BRMS1L: variants seen among roughly 807,000 people sequenced by gnomAD.
The protein encoded by BRMS1L is BRMS1 like transcriptional repressor, also known as breast cancer metastasis-suppressor 1-like protein.
Under a neutral mutation model 50.3 loss-of-function variants are expected in BRMS1L, and 23 were observed. The observed-to-expected ratio is 0.46, with a 90% CI of 0.33 to 0.65. The LOEUF (loss-of-function observed/expected upper bound fraction) is 0.65. BRMS1L is among the 30% of genes least tolerant of loss of function. BRMS1L has a pLI of 0.02. For synonymous variants in BRMS1L, 114 were observed against 126.9 expected (o/e 0.90, Z 0.69); for missense variants, 286 against 386.1 (o/e 0.74, Z 2.17).
At chr14:35,833,165 G>C in intron 3 of BRMS1L, 60 bp downstream of exon 3, 1 of 1,505,666 alleles carries the variant, frequency 6.6e-7, no homozygotes, top group Non-Finnish European at 9.0e-7. Context: ...AGCTTTAAAA[G>C]GTGTTTATCA....
chr14:35,858,216 G>C (rs530198608), intron 4 of BRMS1L, among the ~76,000 whole-genome samples: 1 of 152,042 alleles, frequency 6.6e-6, no homozygotes, highest in Admixed American at 6.6e-5. Flanking sequence ...TTTTCTCTGC[G>C]ATCAAACTTA....
Position 35,828,091 on chromosome 14 carries a change from G to A in BRMS1L, c.142+1433G>A, listed in dbSNP as rs563948762. Among the ~76,000 whole-genome samples, 6 of 152,250 alleles carry A rather than the reference G, an allele frequency of 3.9e-5. No homozygotes were observed. In the South Asian group the frequency reaches 1.0e-3, roughly 26 times the overall value. On this transcript the variant is annotated intron_variant, in intron 1 of 9. Transcript: ENST00000216807. The stretch of plus-strand genomic sequence containing the variant: ...GAAAAACCAAGATACAAGGAGAGTG[G>A]CGGTAGCATCAACAGAAATAGAAAA...
intron 4 of BRMS1L, among the ~76,000 whole-genome samples, chr14:35,861,042 T>G (rs2142060611): frequency 6.6e-6 from 1 of 152,314 alleles, no homozygotes; most frequent in African/African-American, 2.4e-5. Flanking sequence ...GGGCTTCATT[T>G]TCCATTCAGG....
Position 35,871,806 on chromosome 14 carries a change from T to C in BRMS1L, c.*1329T>C, listed in dbSNP as rs924643643. The C allele has an allele frequency of 4.6e-5, 7 of 152,800 alleles. No individual in the cohort carries two copies. The East Asian group carries it at 7.7e-4, about 17-fold the overall frequency. The allele number at this position is 152,800 out of a possible 1,614,324, so 9.5% of individuals were successfully genotyped here. ...GAAATTCAGTGTCAGCAAAGTGATA[T>C]TACGTTGTTCTGTTTCTAATTAACC... On this transcript the variant is annotated 3_prime_UTR_variant, in exon 10 of 10. Transcript: ENST00000216807.
chr14:35,869,756 G>A (rs1419245915), intron 9 of BRMS1L, among the ~76,000 whole-genome samples: 4 of 152,034 alleles, frequency 2.6e-5, no homozygotes, highest in Non-Finnish European at 4.4e-5. Flanking sequence ...TGAGGCAGGA[G>A]AATCACTTGA....
Position 35,870,492 on chromosome 14 carries a change from TTA to T in BRMS1L, c.*17_*18del, listed in dbSNP as rs763478871. ...AACATTCATAATCATGATTTAAGTG[TTA>T]TCTAAATTTACCTTATTAGTGTTAC... On this transcript the variant is annotated 3_prime_UTR_variant, in exon 10 of 10. Transcript: ENST00000216807. 1 of 1,490,796 alleles carries T rather than the reference TTA, an allele frequency of 6.7e-7. No individual in the cohort carries two copies. Among genetic ancestry groups the T allele is most frequent in the South Asian group, 1.2e-5 (1 of 84,846 alleles). 92.3% of individuals were successfully genotyped at this position (1,490,796 alleles called of 1,614,324 possible).
chr14:35,840,149 C>T (rs1019562659), intron 4 of BRMS1L, among the ~76,000 whole-genome samples: 3 of 151,986 alleles, frequency 2.0e-5, no homozygotes, highest in Admixed American at 1.3e-4. Flanking sequence ...TGTCATTGGT[C>T]CTGTTTATGT....
In BRMS1L at chr14:35,826,454, TTCATTG is replaced by T. The variant is rs1567296065; in HGVS notation, c.-62_-57del. On this transcript the variant is annotated 5_prime_UTR_variant, in exon 1 of 10. Transcript: ENST00000216807. ...GTGGGTTGGGGCGTTCCGCGCGCCC[TTCATTG>T]AAGCGGCGGTGGCCGGGCTGGGCGC... 6.5e-7 allele frequency: 1 copy of T among 1,548,390 alleles called. No individual in the cohort carries two copies.
At chr14:35,830,878 G>A (rs1470841810) in intron 1 of BRMS1L, among the ~76,000 whole-genome samples, 1 of 151,686 alleles carries the variant, frequency 6.6e-6, no homozygotes, top group Non-Finnish European at 1.5e-5. Flanking sequence ...ATAAAAGTAA[G>A]AGGGTCTAGA....
intron 5 of BRMS1L, among the ~76,000 whole-genome samples, chr14:35,863,430 A>G (rs2078378711): frequency 1.3e-5 from 2 of 152,152 alleles, no homozygotes; most frequent in African/African-American, 4.8e-5. Flanking sequence ...TAGGGTAGGC[A>G]TGGTGGAGTC....
chr14:35,847,236 C>T (rs949783518), intron 4 of BRMS1L, among the ~76,000 whole-genome samples: 2 of 152,120 alleles, frequency 1.3e-5, no homozygotes, highest in Admixed American at 6.5e-5. Flanking sequence ...CCTTGGCCTC[C>T]CAAAGTCCTC....
chr14:35,853,341 G>C (rs2078237888), intron 4 of BRMS1L, among the ~76,000 whole-genome samples: 1 of 151,102 alleles, frequency 6.6e-6, no homozygotes, highest in African/African-American at 2.4e-5. Context: ...TATTTTAACT[G>C]GTAAATTTAG....
intron 4 of BRMS1L, among the ~76,000 whole-genome samples, chr14:35,853,834 A>T (rs1170781310): frequency 6.6e-6 from 1 of 152,200 alleles, no homozygotes; most frequent in Non-Finnish European, 1.5e-5. Context: ...ATCAAGTTTT[A>T]AAAATAATGT....
intron 8 of BRMS1L, 47 bp from the exon 9 acceptor site, chr14:35,867,859 C>G: frequency 6.6e-7 from 1 of 1,512,154 alleles, no homozygotes; most frequent in Non-Finnish European, 8.8e-7. Context: ...CTTTGTTCTT[C>G]TGACAGTGTT....
At chr14:35,856,766 C>T (rs1039128448) in intron 4 of BRMS1L, among the ~76,000 whole-genome samples, 1 of 151,962 alleles carries the variant, frequency 6.6e-6, no homozygotes, top group African/African-American at 2.4e-5. Flanking sequence ...AGGCATCTGC[C>T]ACCACACTGG....
At chr14:35,840,642 C>G (rs1453993735) in intron 4 of BRMS1L, among the ~76,000 whole-genome samples, 1 of 152,096 alleles carries the variant, frequency 6.6e-6, no homozygotes, top group African/African-American at 2.4e-5. Flanking sequence ...TCTAGATTTT[C>G]TAGTTTATTT....
intron 9 of BRMS1L, 133 bp from the exon 10 acceptor site, chr14:35,870,227 C>G: frequency 1.7e-6 from 1 of 573,584 alleles, no homozygotes; most frequent in Non-Finnish European, 3.2e-6. Context: ...ATGCAGCATT[C>G]TGGTAAATGA....
chr14:35,830,518 T>C lies in BRMS1L; in HGVS notation c.143-892T>C, dbSNP rs536478545. ...GACTACAGGCATCCACCACTATGTC[T>C]GGCTAATTTTTGTATTTTTATTAGA... is the stretch of plus-strand genomic sequence containing the variant. On this transcript the variant is annotated intron_variant, in intron 1 of 9. Coordinates refer to ENST00000216807, the MANE Select transcript of BRMS1L (RefSeq NM_032352.4). 3.9e-5 allele frequency among the ~76,000 whole-genome samples: 6 copies of C among 152,096 alleles called. No homozygotes were observed. The East Asian group carries it at 9.7e-4, about 25-fold the overall frequency.
At chr14:35,828,599 G>C (rs985912077) in intron 1 of BRMS1L, among the ~76,000 whole-genome samples, 1 of 149,906 alleles carries the variant, frequency 6.7e-6, no homozygotes, top group African/African-American at 2.5e-5. Flanking sequence ...TCAGCCTCCC[G>C]AGTAGCTGGG....
Sources: gnomAD v4.1 joint callset for allele counts (sites outside exome capture counted in the v4.1 genomes callset) on GRCh38, gnomAD v4.1.1 for gene constraint, MANE v1.5 for transcripts, NCBI Gene and HGNC (gene_info 2026-07-23, HGNC 2026-07-21) for gene names.